The following PYGL variants were observed in gnomAD, a reference collection of about 807,000 sequenced individuals.
The protein encoded by PYGL is glycogen phosphorylase, liver form.
In PYGL, 90 loss-of-function variants were observed where a neutral mutation model predicts 100.1. That is an observed-to-expected ratio of 0.90 (90% CI 0.76 to 1.07). The LOEUF is 1.07. PYGL is among the 50% of genes least tolerant of loss of function. The pLI, the probability that PYGL is intolerant of heterozygous loss-of-function variation, is 0.00. For synonymous variants in PYGL, 373 were observed against 393.0 expected (o/e 0.95, Z 0.60); for missense variants, 1,016 against 1,057.6 (o/e 0.96, Z 0.55).
At chr14:50,916,009 G>A (rs370566104) in intron 9 of PYGL, 38 bp from the exon 10 acceptor site, 47 of 1,612,866 alleles carry the variant, frequency 2.9e-5, no homozygotes, top group Admixed American at 2.0e-4. Flanking sequence ...TGCCCTGAAG[G>A]TGGGCACCCC....
rs767509177 is a variant in PYGL at position 50,944,425 on chromosome 14, G to T, written c.-22C>A. On this transcript the variant is annotated 5_prime_UTR_variant, in exon 1 of 20. Transcript: ENST00000216392. ...CCATGGCTGGGGCGGCGGGCTGCGC[G>T]GCGGGCTGCGCAGAGAGCTGGAAGT... 38 of 1,590,198 alleles carry T rather than the reference G, an allele frequency of 2.4e-5. No individual in the cohort carries two copies. The highest frequency in any genetic ancestry group is 8.5e-7 in the Non-Finnish European group (1 of 1,171,508).
chr14:50,916,499 C>T (rs997691048), intron 9 of PYGL, 143 bp downstream of exon 9: 2 of 765,070 alleles, frequency 2.6e-6, no homozygotes, highest in Admixed American at 4.4e-5. Flanking sequence ...TGGAAAATGT[C>T]AGCGTCAGGG....
At chr14:50,909,807 A>G (rs2142788063) in intron 17 of PYGL, 88 bp downstream of exon 17, 2 of 1,428,988 alleles carry the variant, frequency 1.4e-6, no homozygotes, top group East Asian at 4.5e-5. Flanking sequence ...TCAGTGGGAT[A>G]TCGGTGTGGG....
rs1483703315 is a variant in PYGL at position 50,935,110 on chromosome 14, C to G, written c.421G>C (p.Ala141Pro). 6.2e-7 allele frequency: 1 copy of G among 1,606,664 alleles called. No individual in the cohort carries two copies. Among genetic ancestry groups the G allele is most frequent in the Non-Finnish European group, 8.5e-7 (1 of 1,173,290 alleles). Residue 141 changes from alanine to proline, a missense_variant, in exon 3 of 20, where the codon GCT becomes CCT. Physicochemically the swap from Ala to Pro is conservative, Grantham distance 27. Coordinates refer to ENST00000216392, the MANE Select transcript of PYGL (RefSeq NM_002863.5). Reference protein sequence around the residue: ...GLGNGGLGRLAACFLDSMATL... With the variant: ...GLGNGGLGRLPACFLDSMATL... ...ATACACTCACAATGTCACTTACCAG[C>G]AAGTCTCCCAAGACCACCATTGCCA...
intron 4 of PYGL, among the ~76,000 whole-genome samples, chr14:50,925,203 T>C (rs1023716167): frequency 6.6e-6 from 1 of 152,204 alleles, no homozygotes; most frequent in African/African-American, 2.4e-5. Context: ...CACGATGGTG[T>C]TTGTATATCT....
chr14:50,928,810 A>T (rs1289526992), intron 4 of PYGL, among the ~76,000 whole-genome samples: 1 of 152,138 alleles, frequency 6.6e-6, no homozygotes, highest in Non-Finnish European at 1.5e-5. Context: ...TGGGGGCATG[A>T]CTATACTCTG....
chr14:50,935,020 G>A, intron 3 of PYGL, 87 bp downstream of exon 3: 1 of 1,273,690 alleles, frequency 7.9e-7, no homozygotes, highest in East Asian at 2.3e-5. Context: ...TAGGAAGCCT[G>A]CCTGGTTCTT....
rs199540206 is a variant in PYGL, at chr14:50,907,194, C to CT, written c.2379+1076dup. Among the ~76,000 whole-genome samples, 299 of 152,054 alleles carry CT rather than the reference C, an allele frequency of 2.0e-3. 2 individuals are homozygous for CT. Among genetic ancestry groups the CT allele is most frequent in the South Asian group, 7.5e-3 (36 of 4,814 alleles). On this transcript the variant is annotated intron_variant, in intron 19 of 19. Coordinates refer to ENST00000216392, the MANE Select transcript of PYGL (RefSeq NM_002863.5). ...CTTATTCACATGGCTCTACCCATCC[C>CT]TTTTTTTTCCCCTCAGTATAGTATT...
intron 4 of PYGL, 75 bp downstream of exon 4, chr14:50,931,598 T>C: frequency 7.5e-7 from 1 of 1,335,006 alleles, no homozygotes; most frequent in Non-Finnish European, 1.1e-6. Flanking sequence ...TAAAGGTCCA[T>C]ATATTATAAA....
At chr14:50,914,471 T>A (rs1460387032) in intron 12 of PYGL, among the ~76,000 whole-genome samples, 1 of 151,392 alleles carries the variant, frequency 6.6e-6, no homozygotes, top group Admixed American at 6.6e-5. Context: ...TACTCCAGCC[T>A]GGGTGATAGA....
rs542695892 is a variant in PYGL, at chr14:50,916,165, T to A, written c.1093-194A>T. Among the ~76,000 whole-genome samples the A allele has an allele frequency of 9.5e-4, 144 of 152,360 alleles. 5 individuals are homozygous for A. The South Asian group carries it at 0.029, about 31-fold the overall frequency. On this transcript the variant is annotated intron_variant, in intron 9 of 19. Coordinates refer to ENST00000216392, the MANE Select transcript of PYGL (RefSeq NM_002863.5). The stretch of plus-strand genomic sequence containing the variant: ...TTCTGGGTGTGAGGGGGAAGCCATT[T>A]GTAAAGCTACTGGTGAAACTTAAGA...
intron 11 of PYGL, 158 bp downstream of exon 11, chr14:50,915,176 TTC>T: frequency 1.0e-6 from 1 of 964,408 alleles, no homozygotes; most frequent in Non-Finnish European, 1.5e-6. Context: ...TCCTTTTCTT[TTC>T]TTTTTTTTTT....
At chr14:50,914,857 G>A (rs770604002) in intron 11 of PYGL, 42 bp from the exon 12 acceptor site, 1 of 1,448,836 alleles carries the variant, frequency 6.9e-7, no homozygotes, top group Middle Eastern at 1.8e-4. Context: ...GGCTGAAACG[G>A]CAAAGGGTCC....
At position 50,944,419 on chromosome 14, in the gene PYGL, C is replaced by T; in HGVS notation, c.-16G>A. The T allele has an allele frequency of 6.3e-7, 1 of 1,594,030 alleles. No homozygotes were observed. The highest frequency in any genetic ancestry group is 8.5e-7 in the Non-Finnish European group (1 of 1,174,154). ...GCTTCGCCATGGCTGGGGCGGCGGG[C>T]TGCGCGGCGGGCTGCGCAGAGAGCT... On this transcript the variant is annotated 5_prime_UTR_variant, in exon 1 of 20. Transcript: ENST00000216392.
At chr14:50,938,966 A>G (rs1171008154) in intron 1 of PYGL, among the ~76,000 whole-genome samples, 2 of 152,198 alleles carry the variant, frequency 1.3e-5, no homozygotes, top group African/African-American at 2.4e-5. Context: ...CACACACCGC[A>G]TGGGTAGAAA....
At chr14:50,939,261 T>C (rs557134429) in intron 1 of PYGL, among the ~76,000 whole-genome samples, 2 of 152,324 alleles carry the variant, frequency 1.3e-5, no homozygotes, top group South Asian at 4.1e-4. Flanking sequence ...GGTCTTGAAC[T>C]CCTAACCTCA....
intron 3 of PYGL, among the ~76,000 whole-genome samples, chr14:50,934,537 TA>T (rs1304229362): frequency 6.6e-6 from 1 of 152,190 alleles, no homozygotes; most frequent in Non-Finnish European, 1.5e-5. Context: ...TGATACCATT[TA>T]TTTTTTAAAA....
At chr14:50,913,168 A>G in intron 12 of PYGL, 38 bp from the exon 13 acceptor site, 3 of 1,583,262 alleles carry the variant, frequency 1.9e-6, no homozygotes, top group Non-Finnish European at 2.6e-6. Context: ...CAATTTGGGG[A>G]TGGTAATCAA....
At chr14:50,940,717 C>T (rs868291040) in intron 1 of PYGL, among the ~76,000 whole-genome samples, 6 of 152,108 alleles carry the variant, frequency 3.9e-5, no homozygotes, top group African/African-American at 1.4e-4. Flanking sequence ...AAATTACATG[C>T]ATGTACTATG....
Sources: gnomAD v4.1 joint callset for allele counts (sites outside exome capture counted in the v4.1 genomes callset) on GRCh38, gnomAD v4.1.1 for gene constraint, MANE v1.5 for transcripts, NCBI Gene and HGNC (gene_info 2026-07-23, HGNC 2026-07-21) for gene names.